The following GJB7 variants were observed in gnomAD, a reference collection of about 807,000 sequenced individuals.
The protein encoded by GJB7 is gap junction protein beta 7, also known as gap junction beta-7 protein.
For missense variants in GJB7, 253 were observed against 256.8 expected (o/e 0.99, Z 0.10); for synonymous variants, 87 against 95.2 (o/e 0.91, Z 0.50).
In GJB7 at chr6:87,284,371, A is replaced by G; in HGVS notation, c.542T>C (p.Leu181Pro). The G allele has an allele frequency of 6.2e-7, 1 of 1,614,198 alleles. No individual in the cohort carries two copies. Among genetic ancestry groups the G allele is most frequent in the Non-Finnish European group, 8.5e-7 (1 of 1,180,028 alleles). Reference protein sequence around the residue: ...SKPTEKTIFILFLVITSCLCI... With the variant: ...SKPTEKTIFIPFLVITSCLCI... ...CAAGCATGAGGTGATGACCAAGAAG[A>G]GGATGAAGATCGTCTTCTCAGTGGG... The change falls in exon 3 of 3, where the codon CTC becomes CCC. Residue 181 changes from leucine (L) to proline (P), a missense_variant. Coordinates refer to ENST00000525899, the MANE Select transcript of GJB7 (RefSeq NM_198568.3).
chr6:87,286,796 C>T (rs1776068873), intron 2 of GJB7, among the ~76,000 whole-genome samples: 1 of 152,064 alleles, frequency 6.6e-6, no homozygotes, highest in Admixed American at 6.6e-5. Context: ...CTTTGTTTGC[C>T]TTATGATGGT....
intron 1 of GJB7, among the ~76,000 whole-genome samples, chr6:87,323,343 A>G (rs1314665184): frequency 6.6e-6 from 1 of 152,118 alleles, no homozygotes; most frequent in African/African-American, 2.4e-5. Flanking sequence ...TTACATATGT[A>G]TACATGTGCC....
At chr6:87,294,677 A>C (rs962600774) in intron 2 of GJB7, among the ~76,000 whole-genome samples, 2 of 152,236 alleles carry the variant, frequency 1.3e-5, no homozygotes, top group Non-Finnish European at 2.9e-5. Context: ...GGCCTTTGAC[A>C]AACTCAAGTA....
chr6:87,296,087 A>G (rs1418148959), intron 2 of GJB7, among the ~76,000 whole-genome samples: 1 of 152,230 alleles, frequency 6.6e-6, no homozygotes, highest in East Asian at 1.9e-4. Flanking sequence ...CAGTATCAGA[A>G]AACATTTAGA....
rs561642315 is a variant in GJB7, at chr6:87,315,132, G to T, written c.-28+7734C>A. ...CAAAAGCACCACTCAGTGGAAAAGA[G>T]TTGTTTTCTGGATGCTGCTTTTCAG... On this transcript the variant is annotated intron_variant, in intron 2 of 2. Coordinates refer to ENST00000525899, the MANE Select transcript of GJB7 (RefSeq NM_198568.3). Among the ~76,000 whole-genome samples, 22 of 152,294 alleles carry T rather than the reference G, an allele frequency of 1.4e-4. No homozygotes were observed. The South Asian group carries it at 4.4e-3, about 30-fold the overall frequency.
intron 1 of GJB7, among the ~76,000 whole-genome samples, chr6:87,325,968 T>C (rs1387938970): frequency 6.6e-6 from 1 of 152,234 alleles, no homozygotes; most frequent in Non-Finnish European, 1.5e-5. Context: ...TATTAAGAGA[T>C]TCAACTTCTT....
intron 2 of GJB7, among the ~76,000 whole-genome samples, chr6:87,309,483 A>C (rs1013109784): frequency 1.3e-5 from 2 of 152,184 alleles, no homozygotes; most frequent in Non-Finnish European, 2.9e-5. Flanking sequence ...CCACAATTGC[A>C]CAGTCCAATT....
chr6:87,307,474 C>T (rs1244597425), intron 2 of GJB7, among the ~76,000 whole-genome samples: 1 of 152,100 alleles, frequency 6.6e-6, no homozygotes, highest in Non-Finnish European at 1.5e-5. Context: ...GCAATCTAGT[C>T]ATCTGACAAA....
chr6:87,325,903 T>C (rs2127916099), intron 1 of GJB7, among the ~76,000 whole-genome samples: 1 of 152,324 alleles, frequency 6.6e-6, no homozygotes, highest in Non-Finnish European at 1.5e-5. Context: ...TCCTGGACTC[T>C]TTTTGGTTGG....
rs41273281 is a variant in GJB7 at position 87,284,383 on chromosome 6, G to A, written c.530C>T (p.Thr177Met). ...GATGACCAAGAAGAGGATGAAGATCGTCTTCTCAGTGGGTTTGGAGATGAA... is the reference window on the plus strand; with the variant it reads ...GATGACCAAGAAGAGGATGAAGATCATCTTCTCAGTGGGTTTGGAGATGAA... ...DCFISKPTEK[T>M]IFILFLVITS... is the part of the protein sequence containing the mutation. Residue 177 changes from threonine (T) to methionine (M), a missense_variant, in exon 3 of 3, where the codon ACG becomes ATG. Physicochemically the swap from Thr to Met is moderately conservative, Grantham distance 81. Coordinates refer to ENST00000525899, the MANE Select transcript of GJB7 (RefSeq NM_198568.3). 75,774 of 1,613,812 alleles carry A rather than the reference G, an allele frequency of 0.047. 2,829 individuals are homozygous for A. The highest frequency in any genetic ancestry group is 0.19 in the African/African-American group (14,434 of 74,958).
At chr6:87,306,495 G>C (rs1330153653) in intron 2 of GJB7, among the ~76,000 whole-genome samples, 1 of 152,158 alleles carries the variant, frequency 6.6e-6, no homozygotes, top group East Asian at 1.9e-4. Flanking sequence ...ACACCAGTTA[G>C]AATGGCCATC....
intron 1 of GJB7, among the ~76,000 whole-genome samples, chr6:87,328,340 G>A (rs1405498038): frequency 6.6e-6 from 1 of 152,126 alleles, no homozygotes; most frequent in African/African-American, 2.4e-5. Context: ...GCTTTTTAGA[G>A]TTTCCAGTTT....
rs1776401039 is a variant in GJB7 at position 87,304,975 on chromosome 6, GCC to G, written c.-28+17889_-28+17890del. On this transcript the variant is annotated intron_variant, in intron 2 of 2. Coordinates refer to ENST00000525899, the MANE Select transcript of GJB7 (RefSeq NM_198568.3). ...AAAAGGCCTTTGAGAAAATTCAACA[GCC>G]CTTCATGCTAAAAACTCTCAATAAA... Among the ~76,000 whole-genome samples the G allele has an allele frequency of 3.3e-5, 5 of 152,170 alleles. No homozygotes were observed. In the South Asian group the frequency reaches 1.0e-3, roughly 32 times the overall value.
intron 1 of GJB7, among the ~76,000 whole-genome samples, chr6:87,325,881 G>A (rs1027338008): frequency 1.3e-5 from 2 of 152,210 alleles, no homozygotes; most frequent in Non-Finnish European, 2.9e-5. Flanking sequence ...ATTCGGCTGT[G>A]AAGCCATCTG....
At chr6:87,305,563 G>A (rs1163770266) in intron 2 of GJB7, among the ~76,000 whole-genome samples, 2 of 152,180 alleles carry the variant, frequency 1.3e-5, no homozygotes, top group Non-Finnish European at 2.9e-5. Context: ...CGTGCTCATG[G>A]ATAGGAAGAA....
At chr6:87,285,013 A>G in intron 2 of GJB7, 74 bp from the exon 3 acceptor site, 1 of 939,864 alleles carries the variant, frequency 1.1e-6, no homozygotes, top group Middle Eastern at 2.7e-4. Flanking sequence ...TTGAGGGATT[A>G]TGTAAGATAA....
intron 1 of GJB7, among the ~76,000 whole-genome samples, chr6:87,327,483 G>A (rs1192369426): frequency 6.6e-6 from 1 of 151,562 alleles, no homozygotes; most frequent in Non-Finnish European, 1.5e-5. Flanking sequence ...TTGCTTGTCT[G>A]TAAAGTATTT....
Position 87,284,517 on chromosome 6 carries a change from A to G in GJB7, c.396T>C (p.Thr132=). ...AAACAAGGAAGCCAATTTCAAAACC[A>G]GTTTTAACAATGAGGCTGATAAGAT... ...YAYLISLIVK[T]GFEIGFLVLF... The change falls in exon 3 of 3, where the codon ACT becomes ACC. Residue 132 remains threonine (T), a synonymous_variant. Coordinates refer to ENST00000525899, the MANE Select transcript of GJB7 (RefSeq NM_198568.3). 1.9e-6 allele frequency: 3 copies of G among 1,614,164 alleles called. No homozygotes were observed. The highest frequency in any genetic ancestry group is 2.5e-6 in the Non-Finnish European group (3 of 1,180,014).
At position 87,283,031 on chromosome 6, in the gene GJB7, T is replaced by C. The variant is rs1775999702; in HGVS notation, c.*1210A>G. ...CTGAAGAAATGTACATATGTTAAAG[T>C]ACTAAATCCAAAGAGAACATATCTG... On this transcript the variant is annotated 3_prime_UTR_variant, in exon 3 of 3. Transcript: ENST00000525899. 1 of 152,212 alleles carries C rather than the reference T, an allele frequency of 6.6e-6. No homozygotes were observed. The highest frequency in any genetic ancestry group is 1.5e-5 in the Non-Finnish European group (1 of 68,032). 9.4% of individuals were successfully genotyped at this position (152,212 alleles called of 1,614,324 possible). A position where few individuals can be genotyped will look rare whatever the true frequency, so the allele number is the denominator to read the frequency against.
Sources: gnomAD v4.1 joint callset for allele counts (sites outside exome capture counted in the v4.1 genomes callset) on GRCh38, gnomAD v4.1.1 for gene constraint, MANE v1.5 for transcripts, NCBI Gene and HGNC (gene_info 2026-07-23, HGNC 2026-07-21) for gene names.